Variants in AP1S3 observed in about 807,000 individuals in gnomAD.
The protein encoded by AP1S3 is adaptor related protein complex 1 subunit sigma 3, also known as AP-1 complex subunit sigma-3.
AP1S3 carries 10 observed loss-of-function variants against 20.9 expected under a neutral mutation model. The ratio of observed to expected loss-of-function variants is 0.48; its 90% CI spans 0.29 to 0.81. AP1S3 has a LOEUF of 0.81. Ranked by LOEUF, AP1S3 falls within the 30% of genes least tolerant of loss-of-function variation. The pLI, the probability that AP1S3 is intolerant of heterozygous loss-of-function variation, is 0.08. For missense variants in AP1S3, 154 were observed against 183.8 expected (o/e 0.84, Z 0.94); for synonymous variants, 41 against 61.5 (o/e 0.67, Z 1.56).
Position 223,765,229 on chromosome 2 carries a change from G to C in AP1S3, c.413C>G (p.Ser138Cys). The change falls in exon 4 of 5, where the codon TCT (serine) becomes TGT (cysteine). Residue 138 changes from serine to cysteine, a missense_variant. By Grantham distance (112) the Ser-to-Cys change is moderately radical. Transcript: ENST00000396654. ...CGTACTGACCTCCTGTAACATATCA[G>C]AGTCTTCAATGGCTTTGACAGCAAT... ...KKIAVKAIED[S>C]DMLQETMEEY... 1 of 1,613,860 alleles carries C rather than the reference G, an allele frequency of 6.2e-7. No homozygotes were observed. Among genetic ancestry groups the C allele is most frequent in the Admixed American group, 1.7e-5 (1 of 59,972 alleles).
At chr2:223,781,889 A>C (rs1013750464) in intron 1 of AP1S3, among the ~76,000 whole-genome samples, 6 of 152,058 alleles carry the variant, frequency 3.9e-5, no homozygotes, top group African/African-American at 1.4e-4. Context: ...CCTAACCTAA[A>C]TCTCTTGTTA....
intron 1 of AP1S3, among the ~76,000 whole-genome samples, chr2:223,811,749 C>T (rs1574720378): frequency 6.6e-6 from 1 of 152,102 alleles, no homozygotes; most frequent in Non-Finnish European, 1.5e-5. Flanking sequence ...CTCTTGGACA[C>T]ACACTGTAGA....
At chr2:223,824,911 C>A (rs200144091) in intron 1 of AP1S3, among the ~76,000 whole-genome samples, 1 of 152,200 alleles carries the variant, frequency 6.6e-6, no homozygotes, top group East Asian at 1.9e-4. Context: ...AAAATTCACA[C>A]GTGAGAAATG....
At position 223,763,245 on chromosome 2, in the gene AP1S3, A is replaced by G. The variant is rs181089194; in HGVS notation, c.429+1968T>C. ...CATCAAGCCCCTCCACTCATTCACC[A>G]ATTAGCATTTAATTGTGAAAGAGCT... On this transcript the variant is annotated intron_variant, in intron 4 of 4. Transcript: ENST00000396654. Among the ~76,000 whole-genome samples, 109 of 152,348 alleles carry G rather than the reference A, an allele frequency of 7.2e-4. 1 individual carries two copies. The highest frequency in any genetic ancestry group is 2.5e-3 in the African/African-American group (103 of 41,568).
At chr2:223,821,634 G>A (rs1691988155) in intron 1 of AP1S3, among the ~76,000 whole-genome samples, 1 of 152,136 alleles carries the variant, frequency 6.6e-6, no homozygotes, top group Non-Finnish European at 1.5e-5. Context: ...CAAGATTCGT[G>A]AGCAATGCAG....
At position 223,798,773 on chromosome 2, in the gene AP1S3, T is replaced by C. The variant is rs562378030; in HGVS notation, c.4-20904A>G. On this transcript the variant is annotated intron_variant, in intron 1 of 4. Coordinates refer to ENST00000396654, the MANE Select transcript of AP1S3 (RefSeq NM_001039569.2). Reference sequence around the variant, plus strand: ...CCAGTACTTCAGAATTCAACTTTATTTGGACATAGATGTTGCAGCTGGGTG... The same window carrying C: ...CCAGTACTTCAGAATTCAACTTTATCTGGACATAGATGTTGCAGCTGGGTG... Among the ~76,000 whole-genome samples, 30 of 152,296 alleles carry C rather than the reference T, an allele frequency of 2.0e-4. No individual in the cohort carries two copies. In the South Asian group the frequency reaches 6.2e-3, roughly 32 times the overall value.
chr2:223,792,325 G>A (rs1250302913), intron 1 of AP1S3, among the ~76,000 whole-genome samples: 1 of 151,924 alleles, frequency 6.6e-6, no homozygotes, highest in Non-Finnish European at 1.5e-5. Flanking sequence ...GCATGGTACT[G>A]GTACAAGAAC....
intron 1 of AP1S3, among the ~76,000 whole-genome samples, chr2:223,778,158 C>T (rs902993254): frequency 5.3e-5 from 8 of 150,842 alleles, no homozygotes; most frequent in Non-Finnish European, 1.2e-4. Flanking sequence ...AGGAGTGTCG[C>T]TCTGCTGCCC....
intron 1 of AP1S3, among the ~76,000 whole-genome samples, chr2:223,782,104 T>C (rs561499200): frequency 6.7e-6 from 1 of 150,350 alleles, no homozygotes; most frequent in East Asian, 2.0e-4. Flanking sequence ...CTCTACTTCC[T>C]AGGCTCAAGT....
At chr2:223,776,707 A>G (rs1490919394) in intron 2 of AP1S3, among the ~76,000 whole-genome samples, 2 of 152,146 alleles carry the variant, frequency 1.3e-5, no homozygotes, top group Non-Finnish European at 2.9e-5. Flanking sequence ...GTTACCTCTC[A>G]GGCTTAGTTA....
intron 4 of AP1S3, among the ~76,000 whole-genome samples, chr2:223,760,421 G>T (rs1690327687): frequency 2.0e-5 from 3 of 152,168 alleles, no homozygotes; most frequent in Admixed American, 6.5e-5. Flanking sequence ...TTCAAAAGAG[G>T]TTTTCTAACT....
At chr2:223,779,686 G>A (rs765234044) in intron 1 of AP1S3, among the ~76,000 whole-genome samples, 5 of 151,552 alleles carry the variant, frequency 3.3e-5, no homozygotes, top group South Asian at 2.1e-4. Context: ...TTCAACTTTC[G>A]GCCAGGTGTG....
chr2:223,815,553 T>A (rs1230426743), intron 1 of AP1S3, among the ~76,000 whole-genome samples: 1 of 152,188 alleles, frequency 6.6e-6, no homozygotes, highest in Non-Finnish European at 1.5e-5. Flanking sequence ...TGCATAGATT[T>A]GTAAAGCCAA....
intron 4 of AP1S3, among the ~76,000 whole-genome samples, chr2:223,760,689 C>A (rs1472658176): frequency 6.7e-6 from 1 of 150,296 alleles, no homozygotes; most frequent in African/African-American, 2.4e-5. Context: ...GTTACAAATA[C>A]AAAATCAGGT....
intron 1 of AP1S3, among the ~76,000 whole-genome samples, chr2:223,793,859 G>A (rs529952729): frequency 1.1e-4 from 17 of 151,546 alleles, no homozygotes; most frequent in South Asian, 6.3e-4. Flanking sequence ...GGCCAGGCTC[G>A]TCTCGAACTC....
intron 1 of AP1S3, among the ~76,000 whole-genome samples, chr2:223,802,305 T>C (rs1320313106): frequency 7.7e-6 from 1 of 130,036 alleles, no homozygotes; most frequent in African/African-American, 3.1e-5. Context: ...CAGTTTTATT[T>C]TATTTTTTTT....
intron 4 of AP1S3, among the ~76,000 whole-genome samples, chr2:223,762,447 A>AT (rs1338769181): frequency 1.3e-5 from 2 of 151,796 alleles, no homozygotes; most frequent in East Asian, 1.9e-4. Flanking sequence ...TAATTTTTGT[A>AT]TTTTTAGTAG....
chr2:223,780,101 T>TA (rs1428205435), intron 1 of AP1S3, among the ~76,000 whole-genome samples: 2 of 151,498 alleles, frequency 1.3e-5, no homozygotes, highest in African/African-American at 4.9e-5. Context: ...GATCTTCCAC[T>TA]AACCACCTCC....
At chr2:223,809,371 A>G (rs939705488) in intron 1 of AP1S3, among the ~76,000 whole-genome samples, 2 of 152,094 alleles carry the variant, frequency 1.3e-5, no homozygotes, top group Non-Finnish European at 2.9e-5. Context: ...CTGGCTGGGC[A>G]TGGTGGCTCA....
Sources: gnomAD v4.1 joint callset for allele counts (sites outside exome capture counted in the v4.1 genomes callset) on GRCh38, gnomAD v4.1.1 for gene constraint, MANE v1.5 for transcripts, NCBI Gene and HGNC (gene_info 2026-07-23, HGNC 2026-07-21) for gene names.